PPP2R5C: variants seen among roughly 807,000 people sequenced by gnomAD.
The protein encoded by PPP2R5C is protein phosphatase 2 regulatory subunit B'gamma, also known as serine/threonine-protein phosphatase 2A 56 kDa regulatory subunit gamma isoform.
In PPP2R5C, 7 loss-of-function variants were observed where a neutral mutation model predicts 68.9. The observed-to-expected ratio is 0.10, with a 90% CI of 0.06 to 0.19. The LOEUF is 0.19. Ranked by LOEUF, PPP2R5C falls within the 10% of genes least tolerant of loss-of-function variation. PPP2R5C has a pLI of 1.00. For missense variants in PPP2R5C, 348 were observed against 641.3 expected, an observed-to-expected ratio of 0.54 and a Z score of 4.94; for synonymous variants, 210 against 222.2, an observed-to-expected ratio of 0.95 and a Z score of 0.49.
intron 3 of PPP2R5C, among the ~76,000 whole-genome samples, chr14:101,787,950 T>C (rs2038195836): frequency 6.6e-6 from 1 of 152,150 alleles, no homozygotes. Context: ...CAAATATGTG[T>C]TGAGCGCCTG....
chr14:101,904,303 C>T (rs1389357146), intron 9 of PPP2R5C, among the ~76,000 whole-genome samples: 3 of 152,142 alleles, frequency 2.0e-5, no homozygotes, highest in Non-Finnish European at 4.4e-5. Context: ...GCGCCTGCCA[C>T]CACACCTGGC....
At chr14:101,866,883 A>G (rs2043103243) in intron 2 of PPP2R5C, among the ~76,000 whole-genome samples, 2 of 152,036 alleles carry the variant, frequency 1.3e-5, no homozygotes, top group African/African-American at 2.4e-5. Context: ...GGAGTTGGAG[A>G]CCAGCCTGGG....
At chr14:101,895,400 G>A (rs59070929) in intron 8 of PPP2R5C, among the ~76,000 whole-genome samples, 15,818 of 152,036 alleles carry the variant, frequency 0.1, 1,281 homozygotes, top group African/African-American at 0.22. Context: ...ATAGTGTTGC[G>A]CAACCATCAC....
chr14:101,883,418 T>C lies in PPP2R5C; in HGVS notation c.499-14T>C, dbSNP rs747990769. The C allele has an allele frequency of 6.8e-6, 11 of 1,612,594 alleles. No homozygotes were observed. The South Asian group carries it at 1.1e-4, about 16-fold the overall frequency. On this transcript the variant is annotated splice_polypyrimidine_tract_variant and intron_variant, in intron 4 of 13. Coordinates refer to ENST00000334743, the Ensembl canonical transcript of PPP2R5C. ...GATGACACCCAGCCACTAAGTGTCT[T>C]TTTCTTCTCAAAGCTTTTAGAGCTC...
At chr14:101,894,810 G>A (rs1361389823) in intron 8 of PPP2R5C, among the ~76,000 whole-genome samples, 1 of 152,128 alleles carries the variant, frequency 6.6e-6, no homozygotes, top group African/African-American at 2.4e-5. Flanking sequence ...GCACTTTACT[G>A]TTTGAACGTA....
At chr14:101,784,672 T>G (rs576279702) in intron 2 of PPP2R5C, among the ~76,000 whole-genome samples, 1 of 152,206 alleles carries the variant, frequency 6.6e-6, no homozygotes, top group South Asian at 2.1e-4. Flanking sequence ...GAGATTTGGG[T>G]GGGGACACAG....
intron 2 of PPP2R5C, among the ~76,000 whole-genome samples, chr14:101,869,898 TGCCTCA>T (rs2043285296): frequency 6.6e-6 from 1 of 152,166 alleles, no homozygotes; most frequent in African/African-American, 2.4e-5. Context: ...GTGATCCCCC[TGCCTCA>T]GCCTATGAAG....
At chr14:101,881,277 G>A (rs1313637943) in intron 2 of PPP2R5C, among the ~76,000 whole-genome samples, 1 of 152,102 alleles carries the variant, frequency 6.6e-6, no homozygotes, top group African/African-American at 2.4e-5. Flanking sequence ...GTGCACGCCT[G>A]TAATTCTAGC....
At chr14:101,837,010 C>T (rs983472607) in intron 1 of PPP2R5C, among the ~76,000 whole-genome samples, 2 of 152,168 alleles carry the variant, frequency 1.3e-5, no homozygotes, top group Non-Finnish European at 2.9e-5. Flanking sequence ...GTGGGAGAGG[C>T]GCCTGGACTT....
At chr14:101,923,294 C>CAA (rs2141213550) in intron 13 of PPP2R5C, among the ~76,000 whole-genome samples, 1 of 152,368 alleles carries the variant, frequency 6.6e-6, no homozygotes, top group South Asian at 2.1e-4. Flanking sequence ...TTTGTGTTCT[C>CAA]AGTTTGCATT....
At chr14:101,806,085 A>G (rs2039062115), upstream of PPP2R5C, among the ~76,000 whole-genome samples, 1 of 152,038 alleles carries the variant, frequency 6.6e-6, no homozygotes, top group East Asian at 1.9e-4. Flanking sequence ...CACAATTTTT[A>G]TTTTTATTTT....
chr14:101,783,286 G>C (rs1174793263), intron 2 of PPP2R5C, among the ~76,000 whole-genome samples: 1 of 118,480 alleles, frequency 8.4e-6, no homozygotes, highest in East Asian at 2.5e-4. Context: ...CCAGGTTCTT[G>C]GTGGCATCTG....
intron 2 of PPP2R5C, 107 bp downstream of exon 4, chr14:101,856,992 T>A (rs996985077): frequency 9.4e-7 from 1 of 1,068,600 alleles, no homozygotes; most frequent in Admixed American, 2.4e-5. Flanking sequence ...AATCCTCCTG[T>A]TCCAGAATTT....
chr14:101,771,418 T>A (rs1380798540), intron 2 of PPP2R5C, among the ~76,000 whole-genome samples: 4 of 151,882 alleles, frequency 2.6e-5, no homozygotes, highest in Non-Finnish European at 5.9e-5. Flanking sequence ...CCACACTATC[T>A]TGTATATATT....
chr14:101,924,352 A>T (rs923628149), intron 13 of PPP2R5C, among the ~76,000 whole-genome samples: 1 of 151,676 alleles, frequency 6.6e-6, no homozygotes, highest in East Asian at 1.9e-4. Flanking sequence ...AGAAGAGAGT[A>T]TATATTTTTT....
intron 1 of PPP2R5C, chr14:101,831,828 A>C (rs2040762821): frequency 2.9e-6 from 2 of 693,938 alleles, no homozygotes; most frequent in Admixed American, 2.0e-5. Flanking sequence ...TCCTAGAAGC[A>C]ATCCCCAACA....
rs373459391 is a variant in PPP2R5C at position 101,906,628 on chromosome 14, A to G, written c.1151+99A>G. The G allele has an allele frequency of 3.0e-5, 42 of 1,413,132 alleles. No homozygotes were observed. In the South Asian group the frequency reaches 3.3e-4, roughly 11 times the overall value. 87.5% of individuals were successfully genotyped at this position (1,413,132 alleles called of 1,614,324 possible). On this transcript the variant is annotated intron_variant, in intron 10 of 13. Coordinates refer to ENST00000334743, the Ensembl canonical transcript of PPP2R5C. This position sits in a 1 kb window ranked among gnomAD's most constrained non-coding sequence, Gnocchi z 4.0. ...ATAAATATCAGAATTTTAAATATCA[A>G]TTAAAAAACAAGAAGGTCAGTTGCT...
At chr14:101,809,526 A>G (rs1411186009), upstream of PPP2R5C, among the ~76,000 whole-genome samples, 1 of 151,484 alleles carries the variant, frequency 6.6e-6, no homozygotes, top group Non-Finnish European at 1.5e-5. Flanking sequence ...GGGAAATGCT[A>G]AAGTTCACAC....
intron 2 of PPP2R5C, among the ~76,000 whole-genome samples, chr14:101,881,783 C>T (rs1322212689): frequency 5.3e-5 from 8 of 152,212 alleles, no homozygotes; most frequent in Non-Finnish European, 1.2e-4. Flanking sequence ...CTGCGTCTTT[C>T]GTCATCTCAT....
Sources: gnomAD v4.1 joint callset for allele counts (sites outside exome capture counted in the v4.1 genomes callset) on GRCh38, gnomAD v4.1.1 for gene constraint, Gnocchi (gnomAD v3.1) non-coding constraint, MANE v1.5 for transcripts, NCBI Gene and HGNC (gene_info 2026-07-23, HGNC 2026-07-21) for gene names.